KCNMA1: variants seen among roughly 807,000 people sequenced by gnomAD.
The protein encoded by KCNMA1 is potassium calcium-activated channel subfamily M alpha 1.
In KCNMA1, 29 loss-of-function variants were observed where a neutral mutation model predicts 140.0. That is an observed-to-expected ratio of 0.21 (90% CI 0.15 to 0.28). KCNMA1 has a LOEUF of 0.28. KCNMA1 is among the 10% of genes least tolerant of loss of function. The pLI is 1.00. For missense variants in KCNMA1, 880 were observed against 1,602.2 expected, an observed-to-expected ratio of 0.55 and a Z score of 7.70; for synonymous variants, 612 against 611.9, an observed-to-expected ratio of 1.00 and a Z score of 0.00.
At chr10:77,103,678 G>T (rs141013270) in intron 9 of KCNMA1, among the ~76,000 whole-genome samples, 87 of 152,328 alleles carry the variant, frequency 5.7e-4, no homozygotes, top group African/African-American at 2.0e-3. Context: ...TCATCTGTCT[G>T]TCCTTGAGAG....
intron 1 of KCNMA1, among the ~76,000 whole-genome samples, chr10:77,513,044 T>C (rs2154548832): frequency 6.6e-6 from 1 of 152,200 alleles, no homozygotes; most frequent in East Asian, 1.9e-4. Context: ...CACCTAATAC[T>C]GAGAAGGAAA....
chr10:77,282,641 T>C (rs536923538), intron 2 of KCNMA1, among the ~76,000 whole-genome samples: 1 of 152,234 alleles, frequency 6.6e-6, no homozygotes, highest in East Asian at 1.9e-4. Context: ...TGTGCATCCT[T>C]CCTGCCCTTC....
At chr10:77,231,691 G>A (rs924766215) in intron 3 of KCNMA1, among the ~76,000 whole-genome samples, 4 of 152,044 alleles carry the variant, frequency 2.6e-5, no homozygotes, top group South Asian at 2.1e-4. Flanking sequence ...CAATGGCCTC[G>A]GACCTCTCCC....
intron 1 of KCNMA1, among the ~76,000 whole-genome samples, chr10:77,516,178 T>C (rs905546084): frequency 6.6e-6 from 1 of 151,712 alleles, no homozygotes; most frequent in Non-Finnish European, 1.5e-5. Flanking sequence ...TCATGTAGAG[T>C]ACCCACAGCC....
intron 12 of KCNMA1, among the ~76,000 whole-genome samples, chr10:77,083,628 A>G (rs1211497588): frequency 6.6e-6 from 1 of 151,526 alleles, no homozygotes; most frequent in Non-Finnish European, 1.5e-5. Flanking sequence ...GAGTTCGTTG[A>G]GATCAGCCTG....
chr10:77,557,153 C>A (rs2064804688), intron 1 of KCNMA1, among the ~76,000 whole-genome samples: 2 of 152,212 alleles, frequency 1.3e-5, no homozygotes, highest in Admixed American at 6.5e-5. Flanking sequence ...GAGTGGTTTG[C>A]AGGGAATGGG....
At chr10:77,023,130 C>T (rs993741249) in intron 16 of KCNMA1, among the ~76,000 whole-genome samples, 5 of 152,158 alleles carry the variant, frequency 3.3e-5, no homozygotes, top group African/African-American at 9.7e-5. Flanking sequence ...GGGTATCTCT[C>T]GCTAAACACT....
chr10:77,086,684 G>T, intron 10 of KCNMA1, 91 bp from the exon 11 acceptor site: 4 of 870,790 alleles, frequency 4.6e-6, no homozygotes, highest in East Asian at 2.6e-5. Context: ...TCCACAGGGA[G>T]CCCTGGGGAG....
At chr10:77,556,137 A>G (rs780424242) in intron 1 of KCNMA1, among the ~76,000 whole-genome samples, 2 of 152,182 alleles carry the variant, frequency 1.3e-5, no homozygotes, top group Non-Finnish European at 1.5e-5. Context: ...TGGGCAAATT[A>G]CCCAATCTCT....
intron 1 of KCNMA1, among the ~76,000 whole-genome samples, chr10:77,514,890 C>A (rs577412003): frequency 6.6e-6 from 1 of 152,114 alleles, no homozygotes; most frequent in Non-Finnish European, 1.5e-5. Context: ...GGAGCTACTG[C>A]CTGTTTTGTT....
rs548949832 is a variant in KCNMA1 at position 76,939,195 on chromosome 10, A to C, written c.2902+5578T>G. 18 of 128,474 alleles carry C rather than the reference A, an allele frequency of 1.4e-4. No individual in the cohort carries two copies. In the Admixed American group the frequency reaches 1.9e-3, roughly 13 times the overall value. 8.0% of individuals were successfully genotyped at this position (128,474 alleles called of 1,614,324 possible). ...GAGTGCAGTGGCATGATTTTGGCTC[A>C]ATGCAAGCTCCGCCTCCTGGGTTCA... On this transcript the variant is annotated intron_variant, in intron 23 of 27. Transcript: ENST00000286628.
intron 5 of KCNMA1, among the ~76,000 whole-genome samples, chr10:77,126,991 G>T (rs890371507): frequency 2.6e-5 from 4 of 151,258 alleles, no homozygotes; most frequent in African/African-American, 9.7e-5. Flanking sequence ...ATCATATGAA[G>T]AATTACAATA....
At chr10:77,590,972 G>A (rs1271762871) in intron 1 of KCNMA1, among the ~76,000 whole-genome samples, 1 of 152,178 alleles carries the variant, frequency 6.6e-6, no homozygotes, top group East Asian at 1.9e-4. Flanking sequence ...CTGCTGTGCT[G>A]GTGCCAGGCG....
At chr10:76,981,271 C>T (rs975016426) in intron 19 of KCNMA1, among the ~76,000 whole-genome samples, 4 of 152,102 alleles carry the variant, frequency 2.6e-5, no homozygotes, top group African/African-American at 9.7e-5. Flanking sequence ...TCAACTGTCA[C>T]CTTTGTCCCT....
At chr10:77,082,292 T>G (rs11002008) in intron 12 of KCNMA1, among the ~76,000 whole-genome samples, 12,360 of 152,068 alleles carry the variant, frequency 0.081, 644 homozygotes, top group Non-Finnish European at 0.12. Context: ...CTCCCAAAGT[T>G]CTGGGATTAC....
intron 3 of KCNMA1, among the ~76,000 whole-genome samples, chr10:77,193,420 C>T (rs2039289473): frequency 6.6e-6 from 1 of 152,192 alleles, no homozygotes; most frequent in Non-Finnish European, 1.5e-5. Context: ...TCTTAGGAAT[C>T]ATGACTGACC....
chr10:77,498,897 C>T (rs2042840765), intron 1 of KCNMA1: 1 of 152,188 alleles, frequency 6.6e-6, no homozygotes, highest in Non-Finnish European at 1.5e-5. Flanking sequence ...TGCTGTGAAA[C>T]TGGCTGGACC....
At chr10:77,194,936 A>C (rs181985059) in intron 3 of KCNMA1, among the ~76,000 whole-genome samples, 64 of 152,360 alleles carry the variant, frequency 4.2e-4, no homozygotes, top group African/African-American at 1.4e-3. Flanking sequence ...GATAGTCACC[A>C]CAAGGACACC....
chr10:77,428,819 C>T (rs1167443105), intron 1 of KCNMA1, among the ~76,000 whole-genome samples: 9 of 152,196 alleles, frequency 5.9e-5, no homozygotes, highest in Non-Finnish European at 1.5e-5. Flanking sequence ...GATGATGGAT[C>T]TCTAAGAGCC....
Sources: allele counts gnomAD v4.1 joint callset (sites outside exome capture counted in the v4.1 genomes callset), GRCh38; gene constraint gnomAD v4.1.1; transcripts MANE v1.5; gene names NCBI Gene and HGNC (gene_info 2026-07-23, HGNC 2026-07-21).